GMDS: variants seen among roughly 807,000 people sequenced by gnomAD.
The protein encoded by GMDS is GDP-mannose 4,6-dehydratase.
In GMDS, 20 loss-of-function variants were observed where a neutral mutation model predicts 49.9. The ratio of observed to expected loss-of-function variants is 0.40; its 90% confidence interval spans 0.28 to 0.58. The LOEUF (loss-of-function observed/expected upper bound fraction) is 0.58. Ranked by LOEUF, GMDS falls within the 20% of genes least tolerant of loss-of-function variation. The pLI is 0.42. For synonymous variants in GMDS, 177 were observed against 178.6 expected, an observed-to-expected ratio of 0.99 and a Z score of 0.07; for missense variants, 362 against 481.4, an observed-to-expected ratio of 0.75 and a Z score of 2.32.
intron 7 of GMDS, among the ~76,000 whole-genome samples, chr6:1,746,510 A>T (rs983233274): frequency 2.6e-5 from 4 of 152,158 alleles, no homozygotes; most frequent in African/African-American, 9.6e-5. Flanking sequence ...TCTTGCATTC[A>T]TTTTGCTTTT....
intron 6 of GMDS, among the ~76,000 whole-genome samples, chr6:1,938,724 A>C (rs1015955003): frequency 2.0e-5 from 3 of 151,912 alleles, no homozygotes; most frequent in African/African-American, 4.8e-5. Flanking sequence ...CTCAGCAACT[A>C]TCTCTTTAGA....
At chr6:2,222,313 G>A (rs1035022795) in intron 1 of GMDS, among the ~76,000 whole-genome samples, 1 of 152,182 alleles carries the variant, frequency 6.6e-6, no homozygotes, top group African/African-American at 2.4e-5. Context: ...TGGGGTTAGA[G>A]ACCACACCCT....
chr6:1,802,702 G>A (rs1288465714), intron 7 of GMDS, among the ~76,000 whole-genome samples: 1 of 152,248 alleles, frequency 6.6e-6, no homozygotes, highest in Non-Finnish European at 1.5e-5. Flanking sequence ...TATGCGGGGA[G>A]GAGGGGGCGC....
intron 1 of GMDS, among the ~76,000 whole-genome samples, chr6:2,237,322 CA>C (rs1398130480): frequency 1.3e-5 from 2 of 152,270 alleles, no homozygotes; most frequent in African/African-American, 4.8e-5. Flanking sequence ...CTGCCAAGAA[CA>C]TTACTGATAA....
Position 1,930,135 on chromosome 6 carries a change from G to T in GMDS, c.739C>A (p.Arg247=), listed in dbSNP as rs45600433. Residue 247 remains arginine (R), a synonymous_variant, in exon 7 of 11, where the codon CGA becomes AGA. Coordinates refer to ENST00000380815, the MANE Select transcript of GMDS (RefSeq NM_001500.4). ...CFSLGNLDAK[R]DWGHAKDYVE... ...TAGTCCTTGGCATGGCCCCAATCTC[G>T]TTTGGCATCCAGATTTCCCAAACTG... is the stretch of plus-strand genomic sequence containing the variant. 6.2e-7 allele frequency: 1 copy of T among 1,612,834 alleles called. No homozygotes were observed. Among genetic ancestry groups the T allele is most frequent in the African/African-American group, 1.3e-5 (1 of 75,012 alleles).
chr6:2,033,608 T>C (rs1249234767), intron 4 of GMDS, among the ~76,000 whole-genome samples: 1 of 152,234 alleles, frequency 6.6e-6, no homozygotes, highest in Non-Finnish European at 1.5e-5. Flanking sequence ...GCTTTCAGAA[T>C]ATAAGAAGGC....
rs1766481174 is a variant in GMDS, at chr6:1,999,089, CAA to C, written c.346-38125_346-38124del. Among the ~76,000 whole-genome samples the C allele has an allele frequency of 3.9e-5, 6 of 152,054 alleles. No individual in the cohort carries two copies. The South Asian group carries it at 6.2e-4, about 16-fold the overall frequency. On this transcript the variant is annotated intron_variant, in intron 4 of 10. Transcript: ENST00000380815. Reference sequence around the variant, plus strand: ...CTGTAATCCCAGCACTTTGGGAGGCCAAGGCGGCCATATCATGAGGTCAGGAA... The same window carrying C: ...CTGTAATCCCAGCACTTTGGGAGGCCGGCGGCCATATCATGAGGTCAGGAA...
At chr6:1,726,635 G>T in intron 8 of GMDS, 123 bp from the exon 9 acceptor site, 1 of 679,634 alleles carries the variant, frequency 1.5e-6, no homozygotes. Flanking sequence ...AACCACAGCA[G>T]CACAGGCTGA....
At chr6:2,089,501 A>G (rs1773198927) in intron 4 of GMDS, among the ~76,000 whole-genome samples, 1 of 152,196 alleles carries the variant, frequency 6.6e-6, no homozygotes, top group Non-Finnish European at 1.5e-5. Flanking sequence ...AATAGATAAT[A>G]AGAAAGAAAA....
At position 1,673,323 on chromosome 6, in the gene GMDS, T is replaced by C. The variant is rs551805356; in HGVS notation, c.988-48783A>G. The stretch of plus-strand genomic sequence containing the variant: ...ACTTTTTTGGCATGAGGAGACTCAG[T>C]TTTTTTCAACTTCGTGACTTCTCCT... On this transcript the variant is annotated intron_variant, in intron 9 of 10. Transcript: ENST00000380815. Among the ~76,000 whole-genome samples the C allele has an allele frequency of 6.6e-5, 10 of 151,978 alleles. No individual in the cohort carries two copies. The South Asian group carries it at 1.9e-3, about 28-fold the overall frequency.
intron 7 of GMDS, among the ~76,000 whole-genome samples, chr6:1,890,217 C>T (rs1759807383): frequency 6.6e-6 from 1 of 152,068 alleles, no homozygotes; most frequent in African/African-American, 2.4e-5. Flanking sequence ...AACATCTCCA[C>T]GTCATCGCCA....
intron 4 of GMDS, among the ~76,000 whole-genome samples, chr6:2,091,297 G>A (rs1033916512): frequency 6.6e-6 from 1 of 152,142 alleles, no homozygotes; most frequent in Non-Finnish European, 1.5e-5. Context: ...CTCTTCAGGG[G>A]AAATGAACTT....
At chr6:2,169,623 AAAAAAAAAAAAAAC>A (rs1476636445) in intron 1 of GMDS, among the ~76,000 whole-genome samples, 1 of 148,178 alleles carries the variant, frequency 6.7e-6, no homozygotes, top group Non-Finnish European at 1.5e-5. Context: ...CCAGGCAGCA[AAAAAAAAAAAAAAC>A]AAAAAAAAAG....
chr6:1,872,362 A>C (rs1016288791), intron 7 of GMDS, among the ~76,000 whole-genome samples: 1 of 152,212 alleles, frequency 6.6e-6, no homozygotes, highest in Non-Finnish European at 1.5e-5. Context: ...ATGATGTCTG[A>C]TGTATGTGCC....
At chr6:1,923,258 C>T (rs1258227779) in intron 7 of GMDS, among the ~76,000 whole-genome samples, 1 of 152,192 alleles carries the variant, frequency 6.6e-6, no homozygotes, top group Non-Finnish European at 1.5e-5. Flanking sequence ...TCTTGGACTC[C>T]CAACAAGAGC....
At chr6:1,730,664 G>A (rs1021694578) in intron 8 of GMDS, among the ~76,000 whole-genome samples, 1 of 152,128 alleles carries the variant, frequency 6.6e-6, no homozygotes, top group African/African-American at 2.4e-5. Context: ...CTCTCTGTGG[G>A]CTGACAGTCA....
At chr6:1,723,439 G>T (rs1011829882) in intron 9 of GMDS, among the ~76,000 whole-genome samples, 13 of 150,498 alleles carry the variant, frequency 8.6e-5, no homozygotes, top group African/African-American at 3.2e-4. Flanking sequence ...CCATTCTCCT[G>T]CCTCAGCCTC....
In GMDS at chr6:2,144,983, G is replaced by A. The variant is rs115391479; in HGVS notation, c.103-20252C>T. 5.7e-3 allele frequency among the ~76,000 whole-genome samples: 865 copies of A among 152,290 alleles called. 2 individuals are homozygous for A. The highest frequency in any genetic ancestry group is 0.017 in the Middle Eastern group (5 of 294). On this transcript the variant is annotated intron_variant, in intron 1 of 10. Coordinates refer to ENST00000380815, the MANE Select transcript of GMDS (RefSeq NM_001500.4). ...AAGGACTTTCCAAGCAAAGGGACTGGGCAATAAAAAGGCAACCTGGCCAGT... is the reference window on the plus strand; with the variant it reads ...AAGGACTTTCCAAGCAAAGGGACTGAGCAATAAAAAGGCAACCTGGCCAGT...
intron 1 of GMDS, among the ~76,000 whole-genome samples, chr6:2,233,731 A>G (rs1306289777): frequency 6.6e-6 from 1 of 151,462 alleles, no homozygotes; most frequent in Non-Finnish European, 1.5e-5. Flanking sequence ...GAGGGATGAG[A>G]CTCTCTTGAT....
Sources: gnomAD v4.1 joint callset for allele counts (sites outside exome capture counted in the v4.1 genomes callset) on GRCh38, gnomAD v4.1.1 for gene constraint, MANE v1.5 for transcripts, NCBI Gene and HGNC (gene_info 2026-07-23, HGNC 2026-07-21) for gene names.